Variants in DPP6 observed in about 807,000 individuals in gnomAD.
The protein encoded by DPP6 is dipeptidyl peptidase like 6.
In DPP6, 69 loss-of-function variants were observed where a neutral mutation model predicts 122.6. That is an observed-to-expected ratio of 0.56 (90% CI 0.46 to 0.69). The LOEUF is 0.69. Ranked by LOEUF, DPP6 falls within the 30% of genes least tolerant of loss-of-function variation. The probability of loss-of-function intolerance (pLI) is 0.00; values close to 1 mark genes in which losing one functional copy is unlikely to be tolerated. For missense variants in DPP6, 928 were observed against 1,116.9 expected (o/e 0.83, Z 2.41); for synonymous variants, 418 against 433.1 (o/e 0.97, Z 0.43).
At chr7:154,690,932 G>C (rs778402451) in intron 7 of DPP6, among the ~76,000 whole-genome samples, 1 of 152,192 alleles carries the variant, frequency 6.6e-6, no homozygotes, top group African/African-American at 2.4e-5. Flanking sequence ...TGATGCCACT[G>C]TCTTACCTTA....
chr7:154,319,320 T>C lies in DPP6; in HGVS notation c.244-126894T>C, dbSNP rs182080287. ...TTAAAGACAAGGTTAAAACTCTTTTTCTCTGCATAATTTCAGTGTCTAGAA... is the reference window on the plus strand; with the variant it reads ...TTAAAGACAAGGTTAAAACTCTTTTCCTCTGCATAATTTCAGTGTCTAGAA... On this transcript the variant is annotated intron_variant, in intron 1 of 25. Coordinates refer to ENST00000377770, the MANE Select transcript of DPP6 (RefSeq NM_130797.4). 4.3e-3 allele frequency among the ~76,000 whole-genome samples: 659 copies of C among 152,376 alleles called. 2 individuals are homozygous for C. Among genetic ancestry groups the C allele is most frequent in the Non-Finnish European group, 7.7e-3 (526 of 68,046 alleles).
At chr7:153,769,753 A>G in the DPP6 span, among the ~76,000 whole-genome samples, 1 of 152,220 alleles carries the variant, frequency 6.6e-6, no homozygotes, top group South Asian at 2.1e-4. Flanking sequence ...TAAATCCACT[A>G]AAGAGAAGAT....
At chr7:153,991,991 T>C (rs1393571051) in intron 1 of DPP6, among the ~76,000 whole-genome samples, 6 of 152,116 alleles carry the variant, frequency 3.9e-5, no homozygotes, top group Non-Finnish European at 7.3e-5. Flanking sequence ...GCAAGGGCCA[T>C]CTTGCTGTGT....
At position 154,053,041 on chromosome 7, in the gene DPP6, G is replaced by A. The variant is rs1396638241; in HGVS notation, c.221G>A (p.Arg74Gln). ...CGGCCCCGGTTCCAGTACCAGGCGC[G>A]GAGCGATGGTGACGAGGAGGACGTA... The part of the protein sequence containing the change: ...GGRPRFQYQA[R>Q]SDGDEEDELV... Residue 74 changes from arginine to glutamine, a missense_variant, in exon 1 of 26, where the codon CGG (arginine) becomes CAG (glutamine). By Grantham distance (43) the Arg-to-Gln change is conservative (BLOSUM62 1). Coordinates refer to ENST00000377770, the MANE Select transcript of DPP6 (RefSeq NM_130797.4). 1 of 1,059,026 alleles carries A rather than the reference G, an allele frequency of 9.4e-7. No individual in the cohort carries two copies. The highest frequency in any genetic ancestry group is 1.1e-6 in the Non-Finnish European group (1 of 876,370). The allele number at this position is 1,059,026 out of a possible 1,614,324, so 65.6% of individuals were successfully genotyped here.
intron 1 of DPP6, among the ~76,000 whole-genome samples, chr7:154,267,507 T>A (rs1190240496): frequency 6.6e-6 from 1 of 150,762 alleles, no homozygotes; most frequent in East Asian, 1.9e-4. Context: ...CACACATATA[T>A]GCACACATAC....
intron 1 of DPP6, among the ~76,000 whole-genome samples, chr7:154,327,674 T>C (rs1470674401): frequency 6.6e-6 from 1 of 152,162 alleles, no homozygotes; most frequent in African/African-American, 2.4e-5. Flanking sequence ...TCATTTCCTA[T>C]ACTAACCCCC....
intron 1 of DPP6, among the ~76,000 whole-genome samples, chr7:154,069,542 T>C (rs1377323867): frequency 6.6e-6 from 1 of 151,840 alleles, no homozygotes; most frequent in Non-Finnish European, 1.5e-5. Flanking sequence ...GCACAGTATT[T>C]TGTTTTTTCA....
intron 1 of DPP6, among the ~76,000 whole-genome samples, chr7:154,174,710 A>G (rs1186463558): frequency 1.3e-5 from 2 of 152,144 alleles, no homozygotes; most frequent in African/African-American, 4.8e-5. Flanking sequence ...TTATTTTTGT[A>G]TATTTTTCAG....
At chr7:153,927,100 G>A (rs996856553) in intron 1 of DPP6, among the ~76,000 whole-genome samples, 10 of 151,946 alleles carry the variant, frequency 6.6e-5, no homozygotes, top group Admixed American at 6.6e-4. Flanking sequence ...ATTGCTTGAG[G>A]CCAGGAGTTT....
At position 153,933,733 on chromosome 7, in the gene DPP6, A is replaced by G. The variant is rs947908715; in HGVS notation, c.51+45999A>G. On this transcript the variant is annotated intron_variant, in intron 1 of 25. Coordinates refer to the DPP6 transcript ENST00000404039. ...CACACACACACCTGCATAGAAACACACACCACAGGTCGTCTCCCCTTCCCT... is the reference window on the plus strand; with the variant it reads ...CACACACACACCTGCATAGAAACACGCACCACAGGTCGTCTCCCCTTCCCT... Among the ~76,000 whole-genome samples, 3 of 151,950 alleles carry G rather than the reference A, an allele frequency of 2.0e-5. No homozygotes were observed. In the East Asian group the frequency reaches 5.8e-4, roughly 29 times the overall value.
chr7:153,885,295 TGAGAAAAGGTGTGATTGAGCAGCC>T (rs1314804655), upstream of DPP6, among the ~76,000 whole-genome samples: 10 of 152,122 alleles, frequency 6.6e-5, no homozygotes, highest in African/African-American at 2.4e-4. Context: ...GTTCCCTTCT[TGAGAAAAGGTGTGATTGAGCAGCC>T]TGCTGTTGTC....
chr7:154,211,439 C>A (rs934508896), intron 1 of DPP6, among the ~76,000 whole-genome samples: 6 of 152,166 alleles, frequency 3.9e-5, no homozygotes, highest in Admixed American at 2.6e-4. Flanking sequence ...TTCTTCCCGA[C>A]CCCTTCGCTC....
At chr7:153,943,128 A>G (rs896081190) in intron 1 of DPP6, among the ~76,000 whole-genome samples, 1 of 152,188 alleles carries the variant, frequency 6.6e-6, no homozygotes, top group African/African-American at 2.4e-5. Flanking sequence ...AAGTTTTATT[A>G]ATAAGGTGTT....
chr7:154,522,745 G>A (rs1244500064), intron 3 of DPP6, among the ~76,000 whole-genome samples: 5 of 152,072 alleles, frequency 3.3e-5, no homozygotes, highest in Non-Finnish European at 7.4e-5. Context: ...CTAATCCTAC[G>A]TACTAAACTG....
chr7:153,920,443 C>G (rs951354880), intron 1 of DPP6, among the ~76,000 whole-genome samples: 6 of 151,920 alleles, frequency 3.9e-5, no homozygotes, highest in African/African-American at 7.3e-5. Context: ...GACAAGAGGC[C>G]TCAAAGCAGC....
intron 6 of DPP6, among the ~76,000 whole-genome samples, chr7:154,665,253 C>T (rs1312480298): frequency 1.3e-5 from 2 of 152,128 alleles, no homozygotes; most frequent in Non-Finnish European, 2.9e-5. Flanking sequence ...CAATGGGCTC[C>T]AGTGATGTTG....
At chr7:154,213,672 A>C (rs1799852535) in intron 1 of DPP6, among the ~76,000 whole-genome samples, 2 of 152,140 alleles carry the variant, frequency 1.3e-5, no homozygotes, top group Admixed American at 6.5e-5. Context: ...TGGCACTTTC[A>C]CATATTAAGA....
intron 2 of DPP6, among the ~76,000 whole-genome samples, chr7:154,466,027 T>TA (rs557680615): frequency 2.6e-5 from 4 of 151,880 alleles, no homozygotes; most frequent in Admixed American, 6.6e-5. Context: ...TATGCAGTCA[T>TA]AAAAAAAATG....
chr7:154,534,544 AC>A (rs568817203), intron 3 of DPP6, among the ~76,000 whole-genome samples: 106 of 152,140 alleles, frequency 7.0e-4, no homozygotes, highest in African/African-American at 2.4e-3. Flanking sequence ...GTTGCAGGAC[AC>A]AAAATCAATA....
Sources: gnomAD v4.1 joint callset for allele counts (sites outside exome capture counted in the v4.1 genomes callset) on GRCh38, gnomAD v4.1.1 for gene constraint, MANE v1.5 for transcripts, NCBI Gene and HGNC (gene_info 2026-07-23, HGNC 2026-07-21) for gene names.